The following GRIK1 variants were observed in gnomAD, a reference collection of about 807,000 sequenced individuals.
GRIK1 encodes glutamate receptor ionotropic, kainate 1.
GRIK1 carries 69 observed loss-of-function variants against 105.7 expected under a neutral mutation model. The observed-to-expected ratio is 0.65, with a 90% CI of 0.54 to 0.80. The LOEUF (loss-of-function observed/expected upper bound fraction) is 0.80, where lower values mean the gene tolerates loss of function less well. Among genes scored for constraint, GRIK1 ranks in the 30% least tolerant of loss-of-function variants. GRIK1 has a pLI of 0.00. For missense variants in GRIK1, 1,109 were observed against 1,167.3 expected (o/e 0.95, Z 0.73); for synonymous variants, 438 against 431.3 (o/e 1.02, Z -0.19).
intron 14 of GRIK1, among the ~76,000 whole-genome samples, chr21:29,572,624 G>A (rs1025348132): frequency 1.6e-4 from 25 of 152,278 alleles, no homozygotes; most frequent in South Asian, 6.2e-4. Context: ...TCATGGAACT[G>A]ACTTTCTAGA....
chr21:29,581,996 GC>G (rs1307349912), intron 12 of GRIK1, among the ~76,000 whole-genome samples: 5 of 152,196 alleles, frequency 3.3e-5, no homozygotes, highest in Middle Eastern at 3.2e-3. Flanking sequence ...GGGGTGACTT[GC>G]CTTCAAGGGG....
At chr21:29,577,279 GACTT>G in intron 13 of GRIK1, 98 bp from the exon 14 acceptor site, 1 of 686,100 alleles carries the variant, frequency 1.5e-6, no homozygotes. Flanking sequence ...ACCTGTAAAA[GACTT>G]ACCGTCTTGT....
At chr21:29,675,706 C>T (rs923333021) in intron 3 of GRIK1, among the ~76,000 whole-genome samples, 9 of 152,172 alleles carry the variant, frequency 5.9e-5, no homozygotes, top group Admixed American at 6.6e-5. Context: ...GTCCTGTCAA[C>T]TCTCTTGAGG....
At chr21:29,576,057 A>T (rs931784693) in intron 14 of GRIK1, among the ~76,000 whole-genome samples, 36 of 152,170 alleles carry the variant, frequency 2.4e-4, no homozygotes, top group Admixed American at 5.9e-4. Flanking sequence ...CCCAAAAAAA[A>T]CTTTAGCCCC....
At chr21:29,762,048 G>C (rs910764218) in intron 1 of GRIK1, among the ~76,000 whole-genome samples, 6 of 152,216 alleles carry the variant, frequency 3.9e-5, no homozygotes, top group African/African-American at 1.4e-4. Flanking sequence ...CACCTGGCAA[G>C]AAACGTTTCT....
chr21:29,687,385 T>C (rs2300314), intron 3 of GRIK1, among the ~76,000 whole-genome samples: 6,273 of 152,276 alleles, frequency 0.041, 195 homozygotes, highest in Admixed American at 0.091. Context: ...GCAAGAACCC[T>C]GAGTCAAGCA....
At chr21:29,839,143 A>G (rs1301250834) in intron 1 of GRIK1, among the ~76,000 whole-genome samples, 3 of 152,050 alleles carry the variant, frequency 2.0e-5, no homozygotes, top group Admixed American at 1.3e-4. Flanking sequence ...TCCGCCTCCC[A>G]GGTTCAAGCG....
chr21:29,799,901 A>C (rs747158044), intron 1 of GRIK1, among the ~76,000 whole-genome samples: 14 of 152,200 alleles, frequency 9.2e-5, no homozygotes, highest in Non-Finnish European at 1.9e-4. Flanking sequence ...TAAAGAGGTC[A>C]TTTTAAGGTT....
chr21:29,688,820 T>C (rs567629149), intron 3 of GRIK1, among the ~76,000 whole-genome samples: 1 of 151,792 alleles, frequency 6.6e-6, no homozygotes, highest in East Asian at 1.9e-4. Context: ...GTGAAGGTCG[T>C]GCAAAGGATC....
chr21:29,786,212 C>T (rs2066256663), intron 1 of GRIK1, among the ~76,000 whole-genome samples: 1 of 152,192 alleles, frequency 6.6e-6, no homozygotes, highest in South Asian at 2.1e-4. Context: ...TGGTCTCGAT[C>T]TCTTGACCCT....
rs1555835297 is a variant in GRIK1, at chr21:29,560,392, CCTTCCTTCCTTT to C, written c.2356+1220_2356+1231del. 7.0e-3 allele frequency among the ~76,000 whole-genome samples: 391 copies of C among 55,798 alleles called. 42 individuals carry two copies. The highest frequency in any genetic ancestry group is 0.046 in the Middle Eastern group (5 of 108). The allele number at this position is 55,798 out of a possible 152,430, so 36.6% of individuals were successfully genotyped here. On this transcript the variant is annotated intron_variant, in intron 15 of 17. Coordinates refer to ENST00000327783, the MANE Select transcript of GRIK1 (RefSeq NM_001330994.2). ...TCCTTCCTTCCTTCCTTCCTTCCTTCCTTCCTTCCTTTCTTTCTTTCTTTCTTTCTTTCTTTC... is the reference window on the plus strand; with the variant it reads ...TCCTTCCTTCCTTCCTTCCTTCCTTCCTTTCTTTCTTTCTTTCTTTCTTTC...
Position 29,673,052 on chromosome 21 carries a change from C to T in GRIK1, c.657G>A (p.Met219Ile). 1.9e-6 allele frequency: 3 copies of T among 1,613,278 alleles called. No homozygotes were observed. The South Asian group carries it at 3.3e-5, about 18-fold the overall frequency. ...NKDAKPLLKE[M>I]KKGKEFYVIF... ...TCACATAGAACTCCTTGCCTTTCTT[C>T]ATCTCCTTGAGTAAAGGCTTGGCAT... is the stretch of plus-strand genomic sequence containing the variant. The change falls in exon 4 of 18, where the codon ATG (methionine) becomes ATA (isoleucine). Residue 219 changes from methionine (M) to isoleucine (I), a missense_variant. Physicochemically the swap from Met to Ile is conservative, Grantham distance 10. Around this residue, in one of 5 missense-constraint regions of GRIK1, gnomAD observed 612 missense variants for 586.0 expected, o/e 1.04. Coordinates refer to ENST00000327783, the MANE Select transcript of GRIK1 (RefSeq NM_001330994.2).
At chr21:29,879,422 C>T (rs1362399967) in intron 1 of GRIK1, among the ~76,000 whole-genome samples, 1 of 152,082 alleles carries the variant, frequency 6.6e-6, no homozygotes, top group Non-Finnish European at 1.5e-5. Flanking sequence ...TTGTATTACA[C>T]TGGCTACCAA....
intron 3 of GRIK1, among the ~76,000 whole-genome samples, chr21:29,679,258 C>A (rs572071499): frequency 6.6e-6 from 1 of 152,228 alleles, no homozygotes; most frequent in South Asian, 2.1e-4. Flanking sequence ...AGCTCGGAGA[C>A]TATATTTGAT....
intron 1 of GRIK1, among the ~76,000 whole-genome samples, chr21:29,921,930 A>T (rs2071206610): frequency 1.3e-5 from 2 of 152,302 alleles, no homozygotes; most frequent in South Asian, 4.1e-4. Context: ...ATAATTTTGC[A>T]GGTAAGTAGA....
Position 29,939,471 on chromosome 21 carries a change from G to C in GRIK1, c.30C>G (p.Pro10=), listed in dbSNP as rs1049039471. 5.3e-5 allele frequency: 85 copies of C among 1,598,850 alleles called. No homozygotes were observed. Among genetic ancestry groups the C allele is most frequent in the Non-Finnish European group, 6.8e-5 (80 of 1,172,596 alleles). The change falls in exon 1 of 18, where the codon CCC becomes CCG. Residue 10 remains proline, a synonymous_variant. Transcript: ENST00000327783. The stretch of plus-strand genomic sequence containing the variant: ...AGCTGGTGTCCCTGGTCCAGAGCCC[G>C]GGCTGGGCGAGGAGTGTGCCGTGCT... MEHGTLLAQ[P]GLWTRDTSWA...
chr21:29,694,080 G>T lies in GRIK1; in HGVS notation c.119-17C>A. 2 of 1,425,580 alleles carry T rather than the reference G, an allele frequency of 1.4e-6. No homozygotes were observed. Among genetic ancestry groups the T allele is most frequent in the Non-Finnish European group, 9.8e-7 (1 of 1,016,248 alleles). 88.3% of individuals were successfully genotyped at this position (1,425,580 alleles called of 1,614,324 possible). ...AAATCCCTCCTGCAGAAGCAAAAGA[G>T]ATGCATGAGAAGCGTTAGTCACATG... On this transcript the variant is annotated splice_polypyrimidine_tract_variant and intron_variant, in intron 1 of 17. Transcript: ENST00000327783.
intron 1 of GRIK1, among the ~76,000 whole-genome samples, chr21:29,783,740 C>G (rs533006864): frequency 6.6e-6 from 1 of 152,088 alleles, no homozygotes; most frequent in African/African-American, 2.4e-5. Context: ...TTAAAAAATT[C>G]TCTATTCATT....
rs115566572 is a variant in GRIK1 at position 29,930,270 on chromosome 21, T to C, written c.118+9113A>G. On this transcript the variant is annotated intron_variant, in intron 1 of 17. Transcript: ENST00000327783. ...TCCATTTTTAGGAGAAAAAGTACAG[T>C]AACATCTCATACAGTATAAACACAG... 9.9e-4 allele frequency among the ~76,000 whole-genome samples: 151 copies of C among 152,268 alleles called. 1 individual carries two copies. The highest frequency in any genetic ancestry group is 3.6e-3 in the African/African-American group (148 of 41,560).
Sources: gnomAD v4.1 joint callset for allele counts (sites outside exome capture counted in the v4.1 genomes callset) on GRCh38, gnomAD v4.1.1 for gene constraint, gnomAD v4.1.1 regional missense constraint, MANE v1.5 for transcripts, NCBI Gene and HGNC (gene_info 2026-07-23, HGNC 2026-07-21) for gene names.